The following HECW1 variants were observed in gnomAD, a reference collection of about 807,000 sequenced individuals.
HECW1 encodes HECT, C2 and WW domain containing E3 ubiquitin protein ligase 1.
HECW1 carries 61 observed loss-of-function variants against 182.3 expected under a neutral mutation model. The ratio of observed to expected loss-of-function variants is 0.33; its 90% CI spans 0.27 to 0.41. HECW1 has a LOEUF of 0.41. Among genes scored for constraint, HECW1 ranks in the 10% least tolerant of loss-of-function variants. The pLI, the probability that HECW1 is intolerant of heterozygous loss-of-function variation, is 1.00. For missense variants in HECW1, 1,739 were observed against 2,108.9 expected (o/e 0.82, Z 3.44); for synonymous variants, 859 against 832.6 (o/e 1.03, Z -0.55).
chr7:43,134,678 G>A (rs1471956956), intron 2 of HECW1, among the ~76,000 whole-genome samples: 4 of 151,138 alleles, frequency 2.6e-5, no homozygotes, highest in Non-Finnish European at 5.9e-5. Context: ...GCTTCTGCAG[G>A]TTTTTAAGTG....
At chr7:43,288,959 A>G (rs1252223741) in intron 3 of HECW1, among the ~76,000 whole-genome samples, 1 of 152,152 alleles carries the variant, frequency 6.6e-6, no homozygotes, top group Non-Finnish European at 1.5e-5. Flanking sequence ...TACGCAGTCA[A>G]ATACAAGCTC....
At chr7:43,372,010 T>C (rs2074127422) in intron 6 of HECW1, among the ~76,000 whole-genome samples, 1 of 152,038 alleles carries the variant, frequency 6.6e-6, no homozygotes, top group Non-Finnish European at 1.5e-5. Flanking sequence ...TTAGTAGAGA[T>C]GGGATTTCAC....
chr7:43,562,230 G>GC lies in HECW1; in HGVS notation c.*305dup, dbSNP rs2082227072. The GC allele has an allele frequency of 3.6e-6, 1 of 280,830 alleles. No homozygotes were observed. The highest frequency in any genetic ancestry group is 9.9e-4 in the Middle Eastern group (1 of 1,010). The allele number at this position is 280,830 out of a possible 1,614,324, so 17.4% of individuals were successfully genotyped here. On this transcript the variant is annotated 3_prime_UTR_variant, in exon 30 of 30. Coordinates refer to ENST00000395891, the MANE Select transcript of HECW1 (RefSeq NM_015052.5). ...CCATTACTAACAATGAAATATGAAT[G>GC]CAAGTTAAGCTACACTTGACCAAAT...
chr7:43,251,985 G>C (rs1043288064), intron 3 of HECW1, among the ~76,000 whole-genome samples: 3 of 152,104 alleles, frequency 2.0e-5, no homozygotes, highest in Non-Finnish European at 4.4e-5. Flanking sequence ...TCCTTGGCTT[G>C]ACTTGTAAGA....
rs1394706618 is a variant in HECW1 at position 43,563,967 on chromosome 7, A to T, written c.*2041A>T. 1 of 187,114 alleles carries T rather than the reference A, an allele frequency of 5.3e-6. No individual in the cohort carries two copies. Among genetic ancestry groups the T allele is most frequent in the Non-Finnish European group, 1.1e-5 (1 of 88,710 alleles). 11.6% of individuals were successfully genotyped at this position (187,114 alleles called of 1,614,324 possible). A position where few individuals can be genotyped will look rare whatever the true frequency, so the allele number is the denominator to read the frequency against. ...ATGTGTCCGTTGTCAATCAAGGAGTATACATTATAGAAATTTAGACTTTTA... is the reference window on the plus strand; with the variant it reads ...ATGTGTCCGTTGTCAATCAAGGAGTTTACATTATAGAAATTTAGACTTTTA... On this transcript the variant is annotated 3_prime_UTR_variant, in exon 30 of 30. Transcript: ENST00000395891.
intron 23 of HECW1, 87 bp downstream of exon 23, chr7:43,508,218 A>C (rs1046940488): frequency 2.5e-6 from 2 of 789,804 alleles, no homozygotes; most frequent in Non-Finnish European, 4.3e-6. Flanking sequence ...AAGAAGGAGC[A>C]CAGTAGCTGT....
At chr7:43,178,317 A>G (rs543502005) in intron 2 of HECW1, among the ~76,000 whole-genome samples, 362 of 150,040 alleles carry the variant, frequency 2.4e-3, no homozygotes, top group African/African-American at 8.5e-3. Context: ...GCAGGGTTCT[A>G]TCTAACTATC....
At position 43,564,854 on chromosome 7, in the gene HECW1, AAGAC is replaced by A. The variant is rs1408534025; in HGVS notation, c.*2932_*2935del. 1 of 184,086 alleles carries A rather than the reference AAGAC, an allele frequency of 5.4e-6. No individual in the cohort carries two copies. The highest frequency in any genetic ancestry group is 1.2e-5 in the Non-Finnish European group (1 of 86,824). The allele number at this position is 184,086 out of a possible 1,614,324, so 11.4% of individuals were successfully genotyped here. A position where few individuals can be genotyped will look rare whatever the true frequency, so the allele number is the denominator to read the frequency against. On this transcript the variant is annotated 3_prime_UTR_variant, in exon 30 of 30. Coordinates refer to ENST00000395891, the MANE Select transcript of HECW1 (RefSeq NM_015052.5). ...ACCTTAAATTATATAGTTCGGCAGA[AAGAC>A]AGATCTATTTGTTACCACCTGTAAT...
chr7:43,237,316 C>CT, intron 2 of HECW1, among the ~76,000 whole-genome samples: 1 of 152,184 alleles, frequency 6.6e-6, no homozygotes, highest in Non-Finnish European at 1.5e-5. Flanking sequence ...GAAGACCTGC[C>CT]TGGAGCCCTC....
intron 3 of HECW1, among the ~76,000 whole-genome samples, chr7:43,280,685 T>C (rs1803777436): frequency 6.6e-6 from 1 of 152,230 alleles, no homozygotes; most frequent in African/African-American, 2.4e-5. Flanking sequence ...TTCTGTGATC[T>C]GAAATGGATC....
At chr7:43,474,366 G>A (rs569461939) in intron 16 of HECW1, among the ~76,000 whole-genome samples, 7 of 152,160 alleles carry the variant, frequency 4.6e-5, no homozygotes, top group South Asian at 4.1e-4. Flanking sequence ...GGAGAATGGC[G>A]TGAACCTGGG....
rs557326322 is a variant in HECW1, at chr7:43,562,496, A to G, written c.*570A>G. Reference sequence around the variant, plus strand: ...GCTGAAATTTTTATACATTCAACTCATGATTCACATGTGGCATCAGTCCCA... The same window carrying G: ...GCTGAAATTTTTATACATTCAACTCGTGATTCACATGTGGCATCAGTCCCA... On this transcript the variant is annotated 3_prime_UTR_variant, in exon 30 of 30. Coordinates refer to ENST00000395891, the MANE Select transcript of HECW1 (RefSeq NM_015052.5). 11 of 227,720 alleles carry G rather than the reference A, an allele frequency of 4.8e-5. 1 individual carries two copies. The East Asian group carries it at 5.7e-4, about 12-fold the overall frequency. 14.1% of individuals were successfully genotyped at this position (227,720 alleles called of 1,614,324 possible).
intron 29 of HECW1, among the ~76,000 whole-genome samples, chr7:43,558,781 G>T (rs2082115578): frequency 6.6e-6 from 1 of 152,108 alleles, no homozygotes; most frequent in Non-Finnish European, 1.5e-5. Flanking sequence ...GAGAAACCAA[G>T]GAGAAGCCAA....
intron 2 of HECW1, among the ~76,000 whole-genome samples, chr7:43,167,955 A>T (rs1791290430): frequency 6.6e-6 from 1 of 152,126 alleles, no homozygotes; most frequent in Non-Finnish European, 1.5e-5. Context: ...TAAGCCCAGC[A>T]CTCCTGAATA....
At chr7:43,366,102 C>CA (rs375358030) in intron 6 of HECW1, among the ~76,000 whole-genome samples, 20,927 of 138,166 alleles carry the variant, frequency 0.15, 1,538 homozygotes, top group Middle Eastern at 0.31. Flanking sequence ...GACTGTCTCA[C>CA]AAAAAAAAAA....
intron 11 of HECW1, among the ~76,000 whole-genome samples, chr7:43,450,161 C>T (rs138995492): frequency 0.012 from 1,795 of 152,258 alleles, 24 homozygotes; most frequent in African/African-American, 0.041. Context: ...GTCCTTTCCT[C>T]TTTCCGGAGC....
At chr7:43,359,346 G>A (rs977893080) in intron 5 of HECW1, among the ~76,000 whole-genome samples, 2 of 152,182 alleles carry the variant, frequency 1.3e-5, no homozygotes, top group African/African-American at 2.4e-5. Context: ...TTATTAAGGA[G>A]GAAAGGTAGA....
intron 2 of HECW1, chr7:43,118,008 A>C (rs1201792178): frequency 1.3e-5 from 2 of 152,732 alleles, no homozygotes; most frequent in African/African-American, 4.8e-5. Context: ...GCATCTATGC[A>C]TGTGATATGC....
At chr7:43,479,148 T>C (rs1173443222) in intron 16 of HECW1, among the ~76,000 whole-genome samples, 2 of 152,202 alleles carry the variant, frequency 1.3e-5, no homozygotes, top group Non-Finnish European at 2.9e-5. Flanking sequence ...CATTGTATTA[T>C]ATAATGAAAT....
Sources: allele counts gnomAD v4.1 joint callset (sites outside exome capture counted in the v4.1 genomes callset), GRCh38; gene constraint gnomAD v4.1.1; transcripts MANE v1.5; gene names NCBI Gene and HGNC (gene_info 2026-07-23, HGNC 2026-07-21).